LRRC4C: variants seen among roughly 807,000 people sequenced by gnomAD.
The protein encoded by LRRC4C is leucine-rich repeat-containing protein 4C.
In LRRC4C, 5 loss-of-function variants were observed where a neutral mutation model predicts 33.6. That is an observed-to-expected ratio of 0.15 (90% CI 0.08 to 0.31). The LOEUF is 0.31. Among genes scored for constraint, LRRC4C ranks in the 10% least tolerant of loss-of-function variants. The probability of loss-of-function intolerance (pLI) is 1.00; values close to 1 mark genes in which losing one functional copy is unlikely to be tolerated. For missense variants in LRRC4C, 560 were observed against 796.7 expected (o/e 0.70, Z 3.58); for synonymous variants, 329 against 302.0 (o/e 1.09, Z -0.93).
intron 1 of LRRC4C, among the ~76,000 whole-genome samples, chr11:40,944,762 GAGTATAATA>G (rs1178008562): frequency 6.6e-6 from 1 of 152,188 alleles, no homozygotes; most frequent in East Asian, 1.9e-4. Flanking sequence ...CATGGTCTTA[GAGTATAATA>G]AGTCAGAACA....
intron 5 of LRRC4C, among the ~76,000 whole-genome samples, chr11:40,198,428 T>G (rs2135701521): frequency 6.6e-6 from 1 of 152,336 alleles, no homozygotes; most frequent in Admixed American, 6.5e-5. Flanking sequence ...ACAATTGTTA[T>G]GAGATATCCA....
At chr11:40,848,593 T>C (rs1450515137) in intron 2 of LRRC4C, among the ~76,000 whole-genome samples, 1 of 152,184 alleles carries the variant, frequency 6.6e-6, no homozygotes, top group Non-Finnish European at 1.5e-5. Context: ...ATAAGTGTGA[T>C]GTGGTGCTGA....
chr11:40,972,033 A>G (rs568411537), intron 1 of LRRC4C, among the ~76,000 whole-genome samples: 39 of 152,142 alleles, frequency 2.6e-4, no homozygotes, highest in African/African-American at 9.4e-4. Context: ...ACAGACTCAT[A>G]GGTGAATGGG....
chr11:41,237,245 G>C (rs1344263131), intron 1 of LRRC4C, among the ~76,000 whole-genome samples: 15 of 152,132 alleles, frequency 9.9e-5, no homozygotes, highest in Non-Finnish European at 1.5e-5. Flanking sequence ...TTCTCACCTT[G>C]ACCACCAAAG....
intron 3 of LRRC4C, among the ~76,000 whole-genome samples, chr11:40,492,522 C>T (rs1802205083): frequency 6.6e-6 from 1 of 152,056 alleles, no homozygotes; most frequent in South Asian, 2.1e-4. Context: ...CCACCTTACA[C>T]GTTATTACGT....
intron 1 of LRRC4C, among the ~76,000 whole-genome samples, chr11:41,296,934 G>A (rs903684412): frequency 3.3e-5 from 5 of 152,302 alleles, no homozygotes; most frequent in Admixed American, 6.5e-5. Flanking sequence ...TACAAGCAGT[G>A]AGAAAGTCCA....
At chr11:41,218,155 C>T (rs1021003580) in intron 1 of LRRC4C, among the ~76,000 whole-genome samples, 1 of 143,462 alleles carries the variant, frequency 7.0e-6, no homozygotes, top group African/African-American at 2.6e-5. Context: ...AAAAAAAAAA[C>T]TTTAGTCACC....
At chr11:41,413,018 A>C (rs1954546391) in intron 1 of LRRC4C, among the ~76,000 whole-genome samples, 1 of 150,752 alleles carries the variant, frequency 6.6e-6, no homozygotes, top group African/African-American at 2.5e-5. Flanking sequence ...TCTGATTGGC[A>C]TGTTTATTTT....
At chr11:40,444,526 A>T (rs1471481437) in intron 3 of LRRC4C, among the ~76,000 whole-genome samples, 2 of 151,914 alleles carry the variant, frequency 1.3e-5, no homozygotes, top group Non-Finnish European at 2.9e-5. Flanking sequence ...TTTTACTTAT[A>T]TTTATTATAT....
intron 1 of LRRC4C, among the ~76,000 whole-genome samples, chr11:41,084,827 T>G (rs1939841625): frequency 6.6e-6 from 1 of 152,052 alleles, no homozygotes; most frequent in Admixed American, 6.6e-5. Flanking sequence ...CCAGCCCGGG[T>G]GAAAGAGTGA....
intron 2 of LRRC4C, among the ~76,000 whole-genome samples, chr11:40,861,542 G>A (rs935721582): frequency 1.2e-4 from 19 of 152,164 alleles, no homozygotes; most frequent in African/African-American, 4.3e-4. Context: ...GGAACCCGAA[G>A]GAGTAAGATC....
intron 2 of LRRC4C, among the ~76,000 whole-genome samples, chr11:40,812,650 A>G (rs962938881): frequency 6.6e-6 from 1 of 152,188 alleles, no homozygotes; most frequent in Non-Finnish European, 1.5e-5. Context: ...ACAAAAATGA[A>G]AATGTGATAA....
chr11:41,092,405 C>G (rs1439647297), intron 1 of LRRC4C, among the ~76,000 whole-genome samples: 1 of 152,120 alleles, frequency 6.6e-6, no homozygotes, highest in Non-Finnish European at 1.5e-5. Context: ...TCACTGTTAC[C>G]CCTGACAGGG....
At chr11:41,029,118 T>C (rs898680754) in intron 1 of LRRC4C, among the ~76,000 whole-genome samples, 1 of 151,774 alleles carries the variant, frequency 6.6e-6, no homozygotes, top group Non-Finnish European at 1.5e-5. Flanking sequence ...CAAAAGCCTG[T>C]TTTTAGTAGC....
intron 1 of LRRC4C, among the ~76,000 whole-genome samples, chr11:41,335,739 G>T (rs2074294069): frequency 1.3e-5 from 2 of 152,158 alleles, no homozygotes; most frequent in Admixed American, 1.3e-4. Flanking sequence ...ATAAGTAAAT[G>T]AAACTTCCCA....
intron 3 of LRRC4C, among the ~76,000 whole-genome samples, chr11:40,573,713 T>C (rs919616805): frequency 2.0e-5 from 3 of 152,208 alleles, no homozygotes; most frequent in Admixed American, 1.3e-4. Context: ...ACATGAAAGA[T>C]TGGCAATAAA....
intron 2 of LRRC4C, among the ~76,000 whole-genome samples, chr11:40,880,593 C>T (rs1048455138): frequency 1.3e-5 from 2 of 148,612 alleles, no homozygotes; most frequent in South Asian, 2.1e-4. Flanking sequence ...AATTATATTG[C>T]TATAGTATTA....
chr11:40,560,739 T>C (rs1957516539), intron 3 of LRRC4C, among the ~76,000 whole-genome samples: 1 of 152,214 alleles, frequency 6.6e-6, no homozygotes, highest in South Asian at 2.1e-4. Context: ...AGATGATCAT[T>C]CTAATCTGAT....
At chr11:41,257,732 A>T (rs1948847209) in intron 1 of LRRC4C, among the ~76,000 whole-genome samples, 1 of 152,018 alleles carries the variant, frequency 6.6e-6, no homozygotes, top group Non-Finnish European at 1.5e-5. Context: ...GATACTAAAA[A>T]CTATTTCCAA....
Sources: gnomAD v4.1 joint callset for allele counts (sites outside exome capture counted in the v4.1 genomes callset) on GRCh38, gnomAD v4.1.1 for gene constraint, MANE v1.5 for transcripts, NCBI Gene and HGNC (gene_info 2026-07-23, HGNC 2026-07-21) for gene names.